Variants in PPP2R3A observed in about 807,000 individuals in gnomAD.
PPP2R3A encodes the protein serine/threonine-protein phosphatase 2A regulatory subunit B'' subunit alpha.
A neutral mutation model predicts 106.9 loss-of-function variants in PPP2R3A; 80 were observed. The observed-to-expected ratio is 0.75, with a 90% CI of 0.62 to 0.90. PPP2R3A has a LOEUF of 0.90. Among genes scored for constraint, PPP2R3A ranks in the 40% least tolerant of loss-of-function variants. The pLI is 0.00. For synonymous variants in PPP2R3A, 483 were observed against 468.3 expected, an observed-to-expected ratio of 1.03 and a Z score of -0.41; for missense variants, 1,386 against 1,350.4, an observed-to-expected ratio of 1.03 and a Z score of -0.41.
chr3:136,060,772 A>C (rs1936049931), intron 5 of PPP2R3A, among the ~76,000 whole-genome samples: 1 of 152,216 alleles, frequency 6.6e-6, no homozygotes, highest in Admixed American at 6.5e-5. Context: ...GATGTCAATC[A>C]AAGGATACAA....
chr3:136,076,914 T>C (rs547657984), intron 6 of PPP2R3A, among the ~76,000 whole-genome samples: 1 of 148,610 alleles, frequency 6.7e-6, no homozygotes, highest in Non-Finnish European at 1.5e-5. Flanking sequence ...GCCACTGCAC[T>C]CCAGCCTGGG....
At chr3:136,111,496 C>G (rs1052760241) in intron 13 of PPP2R3A, among the ~76,000 whole-genome samples, 10 of 152,088 alleles carry the variant, frequency 6.6e-5, no homozygotes, top group African/African-American at 2.4e-4. Flanking sequence ...AAACTCCGCT[C>G]AAAGTAGCAA....
intron 1 of PPP2R3A, among the ~76,000 whole-genome samples, chr3:135,982,660 G>A (rs961231638): frequency 3.3e-5 from 5 of 152,090 alleles, no homozygotes; most frequent in African/African-American, 9.7e-5. Context: ...GTCAACCTCT[G>A]TACCCCTTCT....
At chr3:136,133,386 A>T (rs902236015) in intron 13 of PPP2R3A, among the ~76,000 whole-genome samples, 38 of 152,332 alleles carry the variant, frequency 2.5e-4, no homozygotes, top group Admixed American at 1.6e-3. Context: ...GTATGAAAAG[A>T]TGTTCTGTAT....
intron 5 of PPP2R3A, among the ~76,000 whole-genome samples, chr3:136,063,662 A>C (rs1443671418): frequency 6.6e-6 from 1 of 152,290 alleles, no homozygotes; most frequent in African/African-American, 2.4e-5. Context: ...AGACACATGA[A>C]AAAATGCTCA....
intron 13 of PPP2R3A, among the ~76,000 whole-genome samples, chr3:136,142,138 G>C (rs534254121): frequency 2.6e-5 from 4 of 152,210 alleles, no homozygotes; most frequent in Non-Finnish European, 2.9e-5. Context: ...GAAAGACTAA[G>C]CTTACCAGGG....
intron 5 of PPP2R3A, among the ~76,000 whole-genome samples, chr3:136,067,750 T>C (rs189522325): frequency 1.3e-5 from 2 of 152,338 alleles, no homozygotes; most frequent in East Asian, 3.9e-4. Flanking sequence ...TGAAATACTA[T>C]TCTAGTAGTA....
chr3:136,064,031 C>T (rs372065178), intron 5 of PPP2R3A, among the ~76,000 whole-genome samples: 64 of 151,452 alleles, frequency 4.2e-4, no homozygotes, highest in Admixed American at 1.2e-3. Context: ...TGTCCAGCAA[C>T]GATAGACTGG....
At chr3:135,975,618 C>T (rs1286107080) in intron 1 of PPP2R3A, among the ~76,000 whole-genome samples, 2 of 152,108 alleles carry the variant, frequency 1.3e-5, no homozygotes, top group Admixed American at 6.5e-5. Context: ...AAGTGGAGGG[C>T]TTTTCCCCTG....
At chr3:136,128,745 C>T (rs559516081) in intron 13 of PPP2R3A, among the ~76,000 whole-genome samples, 2 of 152,208 alleles carry the variant, frequency 1.3e-5, no homozygotes, top group Non-Finnish European at 2.9e-5. Context: ...ACACTTATTC[C>T]AAAATTGACC....
At chr3:136,056,559 T>C (rs1213036829) in intron 5 of PPP2R3A, among the ~76,000 whole-genome samples, 1 of 152,032 alleles carries the variant, frequency 6.6e-6, no homozygotes, top group African/African-American at 2.4e-5. Context: ...AAACAAAACC[T>C]TTATCTTACA....
chr3:135,975,421 T>C (rs1380449630), intron 1 of PPP2R3A, among the ~76,000 whole-genome samples: 3 of 152,216 alleles, frequency 2.0e-5, no homozygotes, highest in Non-Finnish European at 2.9e-5. Flanking sequence ...AAATCTGGAA[T>C]GGTGTCTGTT....
At position 136,055,624 on chromosome 3, in the gene PPP2R3A, T is replaced by C; in HGVS notation, c.2469+6263T>C. 2.2e-6 allele frequency: 3 copies of C among 1,359,946 alleles called. No individual in the cohort carries two copies. The East Asian group carries it at 6.9e-5, about 31-fold the overall frequency. The allele number at this position is 1,359,946 out of a possible 1,614,324, so 84.2% of individuals were successfully genotyped here. The stretch of plus-strand genomic sequence containing the variant: ...CGAGCCAACTGCTGTATTTAACACC[T>C]GCCTGCCAATGGACAAAGTACTTGA... On this transcript the variant is annotated intron_variant, in intron 5 of 13. Transcript: ENST00000264977.
chr3:136,096,857 A>G (rs774748107), intron 10 of PPP2R3A, among the ~76,000 whole-genome samples: 7 of 152,180 alleles, frequency 4.6e-5, no homozygotes, highest in Non-Finnish European at 7.3e-5. Flanking sequence ...TGGGAGGCTG[A>G]GGCACAAGAA....
At chr3:136,052,325 G>A (rs1171279023) in intron 5 of PPP2R3A, among the ~76,000 whole-genome samples, 1 of 152,056 alleles carries the variant, frequency 6.6e-6, no homozygotes, top group Non-Finnish European at 1.5e-5. Context: ...AGAAAAGCTG[G>A]CATTTCTTCC....
At chr3:135,993,237 T>C (rs1342208526) in intron 1 of PPP2R3A, among the ~76,000 whole-genome samples, 1 of 152,178 alleles carries the variant, frequency 6.6e-6, no homozygotes. Flanking sequence ...TAATAAGAGA[T>C]GACCCAAAAG....
intron 6 of PPP2R3A, among the ~76,000 whole-genome samples, chr3:136,075,583 G>T: frequency 6.6e-6 from 1 of 152,118 alleles, no homozygotes; most frequent in East Asian, 1.9e-4. Context: ...AATAGGAAAT[G>T]CCTAACAGTC....
At chr3:136,114,239 C>G (rs1441742256) in intron 13 of PPP2R3A, among the ~76,000 whole-genome samples, 2 of 152,206 alleles carry the variant, frequency 1.3e-5, no homozygotes, top group Non-Finnish European at 2.9e-5. Context: ...CGGCCAGATA[C>G]TGTGCTTTTC....
intron 2 of PPP2R3A, among the ~76,000 whole-genome samples, chr3:136,026,501 A>G (rs1432547305): frequency 6.6e-6 from 1 of 152,192 alleles, no homozygotes; most frequent in East Asian, 1.9e-4. Flanking sequence ...TCCAGTTCCA[A>G]CAGAGTGAGA....
Sources: allele counts gnomAD v4.1 joint callset (sites outside exome capture counted in the v4.1 genomes callset), GRCh38; gene constraint gnomAD v4.1.1; transcripts MANE v1.5; gene names NCBI Gene and HGNC (gene_info 2026-07-23, HGNC 2026-07-21).